The following FGF12 variants were observed in gnomAD, a reference collection of about 807,000 sequenced individuals.
FGF12 encodes the protein fibroblast growth factor 12B.
A neutral mutation model predicts 23.6 loss-of-function variants in FGF12; 14 were observed. The ratio of observed to expected loss-of-function variants is 0.59; its 90% CI spans 0.39 to 0.93. FGF12 has a LOEUF of 0.93. Among genes scored for constraint, FGF12 ranks in the 40% least tolerant of loss-of-function variants. The pLI, the probability that FGF12 is intolerant of heterozygous loss-of-function variation, is 0.00. For synonymous variants in FGF12, 62 were observed against 77.3 expected, an observed-to-expected ratio of 0.80 and a Z score of 1.04; for missense variants, 175 against 217.8, an observed-to-expected ratio of 0.80 and a Z score of 1.24.
chr3:192,662,794 G>T (rs760975804), intron 2 of FGF12, among the ~76,000 whole-genome samples: 1 of 152,130 alleles, frequency 6.6e-6, no homozygotes, highest in Admixed American at 6.5e-5. Flanking sequence ...TTGATTACCA[G>T]AAGGAATAGA....
intron 4 of FGF12, among the ~76,000 whole-genome samples, chr3:192,289,572 C>T (rs998608966): frequency 1.3e-5 from 2 of 152,172 alleles, no homozygotes; most frequent in African/African-American, 2.4e-5. Flanking sequence ...GGGTACTGCA[C>T]AGACCTGGCT....
intron 2 of FGF12, among the ~76,000 whole-genome samples, chr3:192,391,553 G>T (rs1720293848): frequency 6.6e-6 from 1 of 152,062 alleles, no homozygotes; most frequent in Non-Finnish European, 1.5e-5. Flanking sequence ...TGGACTGAAG[G>T]TATTTTACTC....
intron 2 of FGF12, among the ~76,000 whole-genome samples, chr3:192,653,113 C>T (rs1716273287): frequency 6.6e-6 from 1 of 152,170 alleles, no homozygotes; most frequent in African/African-American, 2.4e-5. Context: ...CTTTAGGGAA[C>T]ACCTATGTCA....
intron 2 of FGF12, among the ~76,000 whole-genome samples, chr3:192,577,999 G>T (rs1006952809): frequency 2.0e-5 from 3 of 152,172 alleles, no homozygotes; most frequent in Admixed American, 6.5e-5. Context: ...AGATAGCAAG[G>T]TCTAGTGAAA....
At chr3:192,291,091 CTGT>C (rs1714733258) in intron 4 of FGF12, among the ~76,000 whole-genome samples, 1 of 152,090 alleles carries the variant, frequency 6.6e-6, no homozygotes, top group Non-Finnish European at 1.5e-5. Context: ...AGTTCATGGA[CTGT>C]ACATGTATTT....
intron 4 of FGF12, among the ~76,000 whole-genome samples, chr3:192,277,175 A>G (rs1218476472): frequency 6.6e-6 from 1 of 152,184 alleles, no homozygotes; most frequent in Non-Finnish European, 1.5e-5. Context: ...CTTAGCCCGT[A>G]TACTCTCCAT....
chr3:192,359,684 C>T (rs1387904743), intron 3 of FGF12, among the ~76,000 whole-genome samples: 3 of 151,950 alleles, frequency 2.0e-5, no homozygotes, highest in East Asian at 1.9e-4. Context: ...TTTGTCATAC[C>T]GTGATGATTG....
At chr3:192,192,892 T>G (rs894176219) in intron 4 of FGF12, among the ~76,000 whole-genome samples, 1 of 152,214 alleles carries the variant, frequency 6.6e-6, no homozygotes, top group African/African-American at 2.4e-5. Context: ...AGGAAGCATT[T>G]TGCATCATGA....
chr3:192,385,025 T>C (rs1320977360), intron 2 of FGF12, among the ~76,000 whole-genome samples: 2 of 152,084 alleles, frequency 1.3e-5, no homozygotes, highest in African/African-American at 4.8e-5. Context: ...TATAGATAGA[T>C]TTGAGGGAAA....
chr3:192,263,330 T>C (rs1165659087), intron 4 of FGF12, among the ~76,000 whole-genome samples: 2 of 152,094 alleles, frequency 1.3e-5, no homozygotes, highest in East Asian at 3.9e-4. Context: ...AGCTTAGACC[T>C]TTCTTACTGA....
chr3:192,386,942 C>T (rs1279295353), intron 2 of FGF12, among the ~76,000 whole-genome samples: 2 of 152,166 alleles, frequency 1.3e-5, no homozygotes, highest in African/African-American at 4.8e-5. Flanking sequence ...GTCAAACCTT[C>T]GATAAGGTTG....
intron 2 of FGF12, among the ~76,000 whole-genome samples, chr3:192,571,079 T>TGTG (rs1712611445): frequency 7.0e-6 from 1 of 143,436 alleles, no homozygotes. Flanking sequence ...ACATTGGTGT[T>TGTG]GGGGGGAAAA....
chr3:192,370,552 G>A (rs1719181762), intron 2 of FGF12, among the ~76,000 whole-genome samples: 1 of 133,176 alleles, frequency 7.5e-6, no homozygotes, highest in South Asian at 2.5e-4. Flanking sequence ...CTAAAAAAAA[G>A]TTGTAATAGT....
intron 4 of FGF12, among the ~76,000 whole-genome samples, chr3:192,278,051 G>A (rs546203584): frequency 2.6e-5 from 4 of 152,274 alleles, no homozygotes; most frequent in South Asian, 4.1e-4. Context: ...GTGAGACACC[G>A]CGCCCAGCCA....
intron 4 of FGF12, among the ~76,000 whole-genome samples, chr3:192,197,568 C>G (rs1242801216): frequency 2.0e-5 from 3 of 152,128 alleles, no homozygotes; most frequent in African/African-American, 7.2e-5. Context: ...TTTCACATTT[C>G]CATCCTATCC....
intron 2 of FGF12, among the ~76,000 whole-genome samples, chr3:192,541,205 T>C (rs773343142): frequency 6.6e-6 from 1 of 152,182 alleles, no homozygotes; most frequent in Non-Finnish European, 1.5e-5. Context: ...CTCTTCCTTC[T>C]TTCCTTTTGT....
chr3:192,350,652 G>T (rs1241360079), intron 3 of FGF12, among the ~76,000 whole-genome samples: 1 of 152,154 alleles, frequency 6.6e-6, no homozygotes, highest in Non-Finnish European at 1.5e-5. Context: ...CTTCAGGCAA[G>T]AACATGGTTG....
intron 2 of FGF12, among the ~76,000 whole-genome samples, chr3:192,632,871 C>T (rs1016815556): frequency 2.0e-5 from 3 of 152,000 alleles, no homozygotes; most frequent in Non-Finnish European, 2.9e-5. Context: ...AGGGGTGGTT[C>T]CTTCTAGAAG....
chr3:192,373,760 A>G (rs1436103538), intron 2 of FGF12, among the ~76,000 whole-genome samples: 1 of 152,182 alleles, frequency 6.6e-6, no homozygotes, highest in Non-Finnish European at 1.5e-5. Flanking sequence ...TGTGACATAG[A>G]GGCTAAGATC....
Sources: gnomAD v4.1 joint callset for allele counts (sites outside exome capture counted in the v4.1 genomes callset) on GRCh38, gnomAD v4.1.1 for gene constraint, MANE v1.5 for transcripts, NCBI Gene and HGNC (gene_info 2026-07-23, HGNC 2026-07-21) for gene names.